RIMS1: variants seen among roughly 807,000 people sequenced by gnomAD.
RIMS1 encodes regulating synaptic membrane exocytosis protein 1.
In RIMS1, 83 loss-of-function variants were observed where a neutral mutation model predicts 214.1. The ratio of observed to expected loss-of-function variants is 0.39; its 90% CI spans 0.32 to 0.47. The LOEUF (loss-of-function observed/expected upper bound fraction) is 0.47, where lower values mean the gene tolerates loss of function less well. RIMS1 is among the 20% of genes least tolerant of loss of function. RIMS1 has a pLI of 0.99. For synonymous variants in RIMS1, 793 were observed against 786.8 expected, an observed-to-expected ratio of 1.01 and a Z score of -0.13; for missense variants, 2,050 against 2,161.8, an observed-to-expected ratio of 0.95 and a Z score of 1.03.
chr6:72,140,664 A>C (rs2041975226), intron 4 of RIMS1, among the ~76,000 whole-genome samples: 1 of 152,106 alleles, frequency 6.6e-6, no homozygotes, highest in Non-Finnish European at 1.5e-5. Flanking sequence ...TATGTGTGTT[A>C]GTGCTGTAAG....
intron 23 of RIMS1, among the ~76,000 whole-genome samples, chr6:72,276,354 A>C (rs1377442200): frequency 6.6e-6 from 1 of 152,214 alleles, no homozygotes; most frequent in African/African-American, 2.4e-5. Context: ...CTTTGTAATG[A>C]ATATAAATGT....
intron 24 of RIMS1, among the ~76,000 whole-genome samples, chr6:72,290,265 T>G (rs1469202405): frequency 6.6e-6 from 1 of 152,196 alleles, no homozygotes; most frequent in African/African-American, 2.4e-5. Flanking sequence ...GGCAAGCACT[T>G]GAAGCTTTCC....
intron 4 of RIMS1, among the ~76,000 whole-genome samples, chr6:72,122,663 T>G (rs569414233): frequency 6.6e-6 from 1 of 151,954 alleles, no homozygotes; most frequent in South Asian, 2.1e-4. Flanking sequence ...AGCCTGTTAT[T>G]GGTGTATTCA....
chr6:72,366,301 CAA>C (rs1237662768), intron 29 of RIMS1, among the ~76,000 whole-genome samples: 2 of 152,160 alleles, frequency 1.3e-5, no homozygotes, highest in South Asian at 2.1e-4. Context: ...GAGTACAACA[CAA>C]GAGATCGATA....
chr6:72,235,822 T>C (rs549326663), intron 8 of RIMS1, 94 bp downstream of exon 8: 1 of 538,818 alleles, frequency 1.9e-6, no homozygotes, highest in South Asian at 6.0e-5. Flanking sequence ...AAATGTCATT[T>C]AAATATTTTA....
At chr6:72,037,843 A>G (rs889914595) in intron 2 of RIMS1, among the ~76,000 whole-genome samples, 10 of 151,800 alleles carry the variant, frequency 6.6e-5, no homozygotes, top group Non-Finnish European at 8.8e-5. Flanking sequence ...AATTGCCTCA[A>G]ATGAAATGAA....
chr6:72,259,126 T>G lies in RIMS1; in HGVS notation c.3053+15T>G, dbSNP rs774152138. The G allele has an allele frequency of 6.2e-7, 1 of 1,608,660 alleles. No individual in the cohort carries two copies. Among genetic ancestry groups the G allele is most frequent in the Non-Finnish European group, 8.5e-7 (1 of 1,176,156 alleles). ...GAACAAGACAGGTATTTGTCAAAATTATGATCTCAACGTTATGAATTTTTT... is the reference window on the plus strand; with the variant it reads ...GAACAAGACAGGTATTTGTCAAAATGATGATCTCAACGTTATGAATTTTTT... On this transcript the variant is annotated intron_variant, in intron 18 of 33. Transcript: ENST00000521978.
intron 28 of RIMS1, among the ~76,000 whole-genome samples, chr6:72,326,631 T>G (rs2096478643): frequency 6.6e-6 from 1 of 151,844 alleles, no homozygotes; most frequent in African/African-American, 2.4e-5. Flanking sequence ...CATCGTTTAA[T>G]TAGCATTTTT....
rs754339449 is a variant in RIMS1 at position 72,265,490 on chromosome 6, G to A, written c.3295G>A (p.Glu1099Lys). ...FNSTVLRFTD[E>K]ILVSELQPFL... The stretch of plus-strand genomic sequence containing the variant: ...CTCAACAGTATTGAGATTTACTGAT[G>A]AAATACTGGTTAGGTAAGAACATTT... Residue 1099 changes from glutamate (E) to lysine (K), a missense_variant, in exon 21 of 34, where the codon GAA (glutamate) becomes AAA (lysine). Glu to Lys is a moderately conservative substitution (Grantham distance 56). This residue lies in a region of RIMS1 where 889 missense variants were observed against 885.5 expected (regional missense o/e 1.00). Coordinates refer to ENST00000521978, the MANE Select transcript of RIMS1 (RefSeq NM_014989.7). 16 of 1,560,736 alleles carry A rather than the reference G, an allele frequency of 1.0e-5. No individual in the cohort carries two copies. In the African/African-American group the frequency reaches 2.0e-4, roughly 20 times the overall value.
intron 2 of RIMS1, among the ~76,000 whole-genome samples, chr6:72,081,633 G>A (rs1833426208): frequency 6.6e-6 from 1 of 151,944 alleles, no homozygotes; most frequent in African/African-American, 2.4e-5. Context: ...GCTGGTGAGG[G>A]TAGAAGAGGT....
rs187664705 is a variant in RIMS1 at position 72,059,562 on chromosome 6, T to C, written c.246-37387T>C. Among the ~76,000 whole-genome samples, 5 of 152,256 alleles carry C rather than the reference T, an allele frequency of 3.3e-5. No individual in the cohort carries two copies. The South Asian group carries it at 8.3e-4, about 25-fold the overall frequency. On this transcript the variant is annotated intron_variant, in intron 2 of 33. Coordinates refer to ENST00000521978, the MANE Select transcript of RIMS1 (RefSeq NM_014989.7). ...GGTATTTTAAATACCTTCTAAATCA[T>C]ATTGGTTTAGACTTGTTAACTACTA...
At chr6:72,009,709 TAAACTAGA>T in intron 2 of RIMS1, among the ~76,000 whole-genome samples, 1 of 152,120 alleles carries the variant, frequency 6.6e-6, no homozygotes. Context: ...ACTACGCAAA[TAAACTAGA>T]AAATCTAGAA....
At chr6:71,995,046 A>G (rs1205532879) in intron 2 of RIMS1, among the ~76,000 whole-genome samples, 1 of 152,150 alleles carries the variant, frequency 6.6e-6, no homozygotes, top group Admixed American at 6.5e-5. Flanking sequence ...AGCTAGCATC[A>G]CAGAATTCTT....
intron 19 of RIMS1, chr6:72,262,709 A>G (rs1471639602): frequency 1.3e-6 from 1 of 773,322 alleles, no homozygotes; most frequent in Non-Finnish European, 1.6e-6. Flanking sequence ...CCACAACTTT[A>G]TATGGATATA....
intron 1 of RIMS1, among the ~76,000 whole-genome samples, chr6:71,944,264 A>G (rs1292461620): frequency 6.6e-6 from 1 of 152,210 alleles, no homozygotes; most frequent in Non-Finnish European, 1.5e-5. Flanking sequence ...ATTGCTTAAG[A>G]CTTGTAAGTG....
At position 72,182,928 on chromosome 6, in the gene RIMS1, A is replaced by C; in HGVS notation, c.1457A>C (p.Lys486Thr). The change falls in exon 6 of 34, where the codon AAG (lysine) becomes ACG (threonine). Residue 486 changes from lysine to threonine, a missense_variant. Around this residue, in one of 6 missense-constraint regions of RIMS1, gnomAD observed 882 missense variants for 828.9 expected, o/e 1.06. Coordinates refer to ENST00000521978, the MANE Select transcript of RIMS1 (RefSeq NM_014989.7). ...LDPSSAVLMR[K>T]AKREKVETML... ...CCCAGCTCGGCGGTCCTCATGCGGAAGGCCAAGCGCGAGAAGGTGGAGACC... is the reference window on the plus strand; with the variant it reads ...CCCAGCTCGGCGGTCCTCATGCGGACGGCCAAGCGCGAGAAGGTGGAGACC... 3 of 1,585,474 alleles carry C rather than the reference A, an allele frequency of 1.9e-6. No homozygotes were observed. Among genetic ancestry groups the C allele is most frequent in the Non-Finnish European group, 2.6e-6 (3 of 1,167,200 alleles).
intron 1 of RIMS1, among the ~76,000 whole-genome samples, chr6:71,927,301 G>A (rs562221475): frequency 4.6e-5 from 7 of 152,124 alleles, no homozygotes; most frequent in East Asian, 1.9e-4. Flanking sequence ...AAAGACATTC[G>A]GACTGATTCA....
intron 4 of RIMS1, among the ~76,000 whole-genome samples, chr6:72,135,955 G>C (rs1232161801): frequency 6.6e-6 from 1 of 152,086 alleles, no homozygotes; most frequent in Non-Finnish European, 1.5e-5. Flanking sequence ...AATGAACAAA[G>C]ATGATTCCAT....
chr6:72,015,399 CTTGT>C (rs1184206460), intron 2 of RIMS1, among the ~76,000 whole-genome samples: 1 of 152,134 alleles, frequency 6.6e-6, no homozygotes, highest in Non-Finnish European at 1.5e-5. Context: ...CCTTGCTGAG[CTTGT>C]TTATTAATCC....
Sources: allele counts gnomAD v4.1 joint callset (sites outside exome capture counted in the v4.1 genomes callset), GRCh38; gene constraint gnomAD v4.1.1; regional missense constraint gnomAD v4.1.1; transcripts MANE v1.5; gene names NCBI Gene and HGNC (gene_info 2026-07-23, HGNC 2026-07-21).